KCNH5: variants seen among roughly 807,000 people sequenced by gnomAD.
KCNH5 encodes the protein voltage-gated delayed rectifier potassium channel KCNH5.
Under a neutral mutation model 96.1 loss-of-function variants are expected in KCNH5, and 46 were observed. That is an observed-to-expected ratio of 0.48 (90% confidence interval 0.38 to 0.61). The LOEUF is 0.61. KCNH5 is among the 20% of genes least tolerant of loss of function. KCNH5 has a pLI of 0.00. For synonymous variants in KCNH5, 439 were observed against 449.8 expected, an observed-to-expected ratio of 0.98 and a Z score of 0.30; for missense variants, 907 against 1,225.8, an observed-to-expected ratio of 0.74 and a Z score of 3.88.
At chr14:63,043,299 C>A (rs1213009907) in intron 1 of KCNH5, among the ~76,000 whole-genome samples, 1 of 152,094 alleles carries the variant, frequency 6.6e-6, no homozygotes, top group Non-Finnish European at 1.5e-5. Context: ...AATCGTAACC[C>A]TGCAGATTTT....
chr14:62,957,819 C>T (rs376880097), intron 6 of KCNH5, among the ~76,000 whole-genome samples: 3 of 152,296 alleles, frequency 2.0e-5, no homozygotes, highest in Admixed American at 2.0e-4. Context: ...CCCTAGCCAA[C>T]TCAGCGGCTG....
chr14:62,825,430 C>A (rs947367572), intron 8 of KCNH5, among the ~76,000 whole-genome samples: 33 of 151,744 alleles, frequency 2.2e-4, no homozygotes, highest in Non-Finnish European at 4.4e-5. Flanking sequence ...CACTTGTATG[C>A]CTTCTTTTGA....
At chr14:62,744,501 C>T (rs1885335432) in intron 10 of KCNH5, among the ~76,000 whole-genome samples, 1 of 152,130 alleles carries the variant, frequency 6.6e-6, no homozygotes, top group Admixed American at 6.6e-5. Context: ...ATTTCCATAC[C>T]ATCATAGTCT....
Position 62,911,302 on chromosome 14 carries a change from G to A in KCNH5, c.1369+38831C>T, listed in dbSNP as rs368078133. 1.1e-3 allele frequency among the ~76,000 whole-genome samples: 151 copies of A among 142,422 alleles called. 3 individuals carry two copies. Among genetic ancestry groups the A allele is most frequent in the South Asian group, 8.9e-3 (40 of 4,502 alleles). 93.4% of individuals were successfully genotyped at this position (142,422 alleles called of 152,430 possible). A position where few individuals can be genotyped will look rare whatever the true frequency, so the allele number is the denominator to read the frequency against. On this transcript the variant is annotated intron_variant, in intron 7 of 10. Transcript: ENST00000322893. ...TTTTTCTTTTTTTTTTTTTTGAGAC[G>A]GAGTCTTGCTCTTTTACCCAAGCTG...
At chr14:63,019,077 T>A (rs907317336) in intron 1 of KCNH5, among the ~76,000 whole-genome samples, 1 of 151,602 alleles carries the variant, frequency 6.6e-6, no homozygotes, top group Non-Finnish European at 1.5e-5. Flanking sequence ...TCAAGCAATC[T>A]AAAATATATG....
At chr14:63,031,831 T>C (rs1394020168) in intron 1 of KCNH5, among the ~76,000 whole-genome samples, 3 of 152,202 alleles carry the variant, frequency 2.0e-5, no homozygotes, top group African/African-American at 7.2e-5. Context: ...ATCATTTCAC[T>C]ATTTATATGT....
intron 6 of KCNH5, among the ~76,000 whole-genome samples, chr14:62,953,749 T>TCC (rs756581808): frequency 6.6e-6 from 1 of 152,114 alleles, no homozygotes; most frequent in Non-Finnish European, 1.5e-5. Flanking sequence ...TCTCTTCCAT[T>TCC]CCCATAGACA....
intron 7 of KCNH5, among the ~76,000 whole-genome samples, chr14:62,857,564 C>T (rs949874091): frequency 1.3e-5 from 2 of 152,264 alleles, no homozygotes; most frequent in South Asian, 2.1e-4. Context: ...AGAGCCAACC[C>T]GAGTCCCAAA....
chr14:63,008,798 T>C lies in KCNH5; in HGVS notation c.198-2326A>G, dbSNP rs564857993. ...GAAATTTCAGCTCATGAGAGTTTCA[T>C]AAAAATTGCTTGAAGGCATTACAAT... is the stretch of plus-strand genomic sequence containing the variant. On this transcript the variant is annotated intron_variant, in intron 2 of 10. Coordinates refer to ENST00000322893, the MANE Select transcript of KCNH5 (RefSeq NM_139318.5). Among the ~76,000 whole-genome samples the C allele has an allele frequency of 4.6e-5, 7 of 152,180 alleles. No homozygotes were observed. In the South Asian group the frequency reaches 1.5e-3, roughly 32 times the overall value.
At chr14:62,923,867 TAGA>T (rs1471734104) in intron 7 of KCNH5, among the ~76,000 whole-genome samples, 3 of 151,928 alleles carry the variant, frequency 2.0e-5, no homozygotes, top group Non-Finnish European at 4.4e-5. Context: ...ATAAAAGTCC[TAGA>T]AGAAAACATG....
intron 8 of KCNH5, among the ~76,000 whole-genome samples, chr14:62,836,814 C>T (rs1423117193): frequency 1.3e-5 from 2 of 152,022 alleles, no homozygotes; most frequent in Non-Finnish European, 2.9e-5. Context: ...CTATCTTGGT[C>T]ACAGGTGCAT....
chr14:63,017,066 G>T, intron 1 of KCNH5, 112 bp from the exon 2 acceptor site: 1 of 1,012,618 alleles, frequency 9.9e-7, no homozygotes, highest in Non-Finnish European at 1.4e-6. Flanking sequence ...ACTATGGTTT[G>T]TAATTGTACA....
intron 1 of KCNH5, among the ~76,000 whole-genome samples, chr14:63,040,582 C>G (rs921462027): frequency 4.6e-5 from 7 of 151,992 alleles, no homozygotes; most frequent in Non-Finnish European, 1.0e-4. Flanking sequence ...TAAAGAAAAC[C>G]TTTCAAGAAA....
chr14:62,991,928 G>A (rs932778122), intron 4 of KCNH5, among the ~76,000 whole-genome samples: 4 of 151,886 alleles, frequency 2.6e-5, no homozygotes, highest in Non-Finnish European at 5.9e-5. Context: ...ACTGTGACCT[G>A]AATAACATAT....
Position 62,940,897 on chromosome 14 carries a change from C to T in KCNH5, c.1369+9236G>A, listed in dbSNP as rs115401739. Among the ~76,000 whole-genome samples, 1,106 of 152,264 alleles carry T rather than the reference C, an allele frequency of 7.3e-3. 10 individuals are homozygous for T. The highest frequency in any genetic ancestry group is 0.025 in the African/African-American group (1,049 of 41,566). ...GCTAAATACACAATGATGAACAGGACAAAGACAGATCCTCTTCTCACAAGT... is the reference window on the plus strand; with the variant it reads ...GCTAAATACACAATGATGAACAGGATAAAGACAGATCCTCTTCTCACAAGT... On this transcript the variant is annotated intron_variant, in intron 7 of 10. Coordinates refer to ENST00000322893, the MANE Select transcript of KCNH5 (RefSeq NM_139318.5).
intron 8 of KCNH5, among the ~76,000 whole-genome samples, chr14:62,839,385 T>C (rs957335621): frequency 6.6e-6 from 1 of 152,194 alleles, no homozygotes; most frequent in African/African-American, 2.4e-5. Flanking sequence ...AGAGAAGTAG[T>C]AGTGGGAGTA....
chr14:62,713,363 A>G (rs1262758592), intron 10 of KCNH5, among the ~76,000 whole-genome samples: 3 of 152,222 alleles, frequency 2.0e-5, no homozygotes, highest in African/African-American at 7.2e-5. Flanking sequence ...TGGCATTCCT[A>G]GAACCTACCC....
intron 2 of KCNH5, among the ~76,000 whole-genome samples, chr14:63,013,837 A>G (rs1296526093): frequency 3.9e-5 from 6 of 152,040 alleles, no homozygotes; most frequent in Admixed American, 1.3e-4. Flanking sequence ...AACTTCTACT[A>G]CTGGATATTT....
At chr14:62,841,987 G>T (rs1887594780) in intron 8 of KCNH5, among the ~76,000 whole-genome samples, 1 of 152,194 alleles carries the variant, frequency 6.6e-6, no homozygotes, top group South Asian at 2.1e-4. Flanking sequence ...TCAGAGTGAT[G>T]AGAAAATGAA....
Sources: gnomAD v4.1 joint callset for allele counts (sites outside exome capture counted in the v4.1 genomes callset) on GRCh38, gnomAD v4.1.1 for gene constraint, MANE v1.5 for transcripts, NCBI Gene and HGNC (gene_info 2026-07-23, HGNC 2026-07-21) for gene names.